The following DAB1 variants were observed in gnomAD, a reference collection of about 807,000 sequenced individuals.
DAB1 encodes the protein disabled homolog 1.
A neutral mutation model predicts 64.6 loss-of-function variants in DAB1; 15 were observed. The ratio of observed to expected loss-of-function variants is 0.23; its 90% CI spans 0.16 to 0.36. DAB1 has a LOEUF of 0.36. Among genes scored for constraint, DAB1 ranks in the 10% least tolerant of loss-of-function variants. DAB1 has a pLI of 1.00. For missense variants in DAB1, 596 were observed against 706.7 expected, an observed-to-expected ratio of 0.84 and a Z score of 1.78; for synonymous variants, 235 against 251.9, an observed-to-expected ratio of 0.93 and a Z score of 0.64.
At chr1:58,069,527 TA>T (rs2100567629) in intron 5 of DAB1, among the ~76,000 whole-genome samples, 1 of 152,230 alleles carries the variant, frequency 6.6e-6, no homozygotes, top group East Asian at 1.9e-4. Context: ...GTCCCTATTT[TA>T]AAAATAAACA....
intron 6 of DAB1, among the ~76,000 whole-genome samples, chr1:57,794,992 A>G (rs1315783952): frequency 6.6e-6 from 1 of 152,214 alleles, no homozygotes; most frequent in Non-Finnish European, 1.5e-5. Context: ...ATGTAGCACC[A>G]GGCTATAACC....
At chr1:57,627,091 T>C (rs927736219) in intron 7 of DAB1, among the ~76,000 whole-genome samples, 5 of 152,116 alleles carry the variant, frequency 3.3e-5, no homozygotes, top group African/African-American at 4.8e-5. Context: ...ATCCGATCTG[T>C]TGAGGGCCTG....
At chr1:57,023,506 G>A in intron 11 of DAB1, 25 bp downstream of exon 11, 1 of 1,381,046 alleles carries the variant, frequency 7.2e-7, no homozygotes, top group Middle Eastern at 1.8e-4. Context: ...GCCAAAGGAA[G>A]GGAAGCTGGT....
chr1:58,117,577 C>T (rs1048766306), intron 5 of DAB1, among the ~76,000 whole-genome samples: 21 of 152,138 alleles, frequency 1.4e-4, no homozygotes, highest in Admixed American at 1.2e-3. Flanking sequence ...GGCTTCAAAC[C>T]AGCAGCTTTG....
chr1:57,617,979 A>G (rs1645808695), intron 7 of DAB1, among the ~76,000 whole-genome samples: 1 of 152,210 alleles, frequency 6.6e-6, no homozygotes, highest in Admixed American at 6.5e-5. Context: ...AGGGACTATG[A>G]GTGTGATGTT....
rs559134223 is a variant in DAB1, at chr1:57,879,762, A to T, written n.87+4237T>A. Among the ~76,000 whole-genome samples, 322 of 152,266 alleles carry T rather than the reference A, an allele frequency of 2.1e-3. 1 individual carries two copies. The highest frequency in any genetic ancestry group is 0.019 in the South Asian group (93 of 4,822). On this transcript the variant is annotated intron_variant and non_coding_transcript_variant, in intron 1 of 1. Transcript: ENST00000477280. ...GCAGGATTCACTCTGCCATTTGAAG[A>T]GGATCCTCCATTGGCCTCTGTCCCC...
chr1:57,367,038 C>T (rs1680058149), intron 1 of DAB1, among the ~76,000 whole-genome samples: 1 of 111,554 alleles, frequency 9.0e-6, no homozygotes, highest in Non-Finnish European at 2.1e-5. Flanking sequence ...GAGACCCTGT[C>T]TCCACAAAAT....
chr1:58,038,304 G>C (rs757243078), intron 5 of DAB1, among the ~76,000 whole-genome samples: 36 of 152,142 alleles, frequency 2.4e-4, no homozygotes, highest in Non-Finnish European at 4.9e-4. Context: ...ACTGGATGTG[G>C]GGATGGAAGA....
intron 5 of DAB1, among the ~76,000 whole-genome samples, chr1:58,017,745 G>A (rs939218413): frequency 6.6e-5 from 10 of 152,270 alleles, no homozygotes; most frequent in East Asian, 3.9e-4. Context: ...GGACCTGAGC[G>A]GTGCTCAGTG....
At chr1:57,156,982 CAAATGCCT>C (rs1033347954) in intron 2 of DAB1, among the ~76,000 whole-genome samples, 8 of 152,132 alleles carry the variant, frequency 5.3e-5, no homozygotes, top group African/African-American at 1.9e-4. Context: ...TCAACAAAAT[CAAATGCCT>C]CTGTCAGGAG....
intron 4 of DAB1, among the ~76,000 whole-genome samples, chr1:58,215,218 G>A (rs935649005): frequency 6.6e-6 from 1 of 151,944 alleles, no homozygotes; most frequent in African/African-American, 2.4e-5. Context: ...TTGCAACTCT[G>A]GGCCTCTGTC....
At chr1:57,962,817 G>A (rs1275973724) in intron 5 of DAB1, among the ~76,000 whole-genome samples, 2 of 150,902 alleles carry the variant, frequency 1.3e-5, no homozygotes, top group African/African-American at 4.9e-5. Context: ...AGGCTGCAGT[G>A]AGCTGCAATT....
intron 5 of DAB1, among the ~76,000 whole-genome samples, chr1:58,111,593 T>C (rs147600234): frequency 2.0e-5 from 3 of 152,346 alleles, no homozygotes; most frequent in East Asian, 1.9e-4. Context: ...TTGGGAAACG[T>C]TGGATCAGAG....
chr1:58,235,757 G>A lies in DAB1; in HGVS notation n.310-85169C>T, dbSNP rs143099837. 3.6e-3 allele frequency among the ~76,000 whole-genome samples: 549 copies of A among 152,246 alleles called. 1 individual carries two copies. Among genetic ancestry groups the A allele is most frequent in the Non-Finnish European group, 5.3e-3 (359 of 68,034 alleles). ...TGAACCAAACTGCAAAATCAACCAG[G>A]CACCCAGATAAAGGGCTAATTGGGC... On this transcript the variant is annotated intron_variant and non_coding_transcript_variant, in intron 4 of 20. Coordinates refer to the DAB1 transcript ENST00000485760.
chr1:58,408,190 C>T (rs1644634951), intron 3 of DAB1, among the ~76,000 whole-genome samples: 2 of 152,178 alleles, frequency 1.3e-5, no homozygotes, highest in African/African-American at 4.8e-5. Flanking sequence ...ATGCTTGAGA[C>T]CCAGTGATCT....
intron 4 of DAB1, among the ~76,000 whole-genome samples, chr1:57,091,067 T>C (rs1373776853): frequency 6.6e-6 from 1 of 152,174 alleles, no homozygotes; most frequent in Admixed American, 6.5e-5. Flanking sequence ...AAGCCAAGTT[T>C]TGCCTCTGCT....
At chr1:57,998,390 T>TC (rs1491152017) in intron 5 of DAB1, among the ~76,000 whole-genome samples, 21 of 38,988 alleles carry the variant, frequency 5.4e-4, no homozygotes, top group East Asian at 3.7e-3. Flanking sequence ...TTTTTCTCTC[T>TC]TTTTTTTTTT....
At chr1:57,996,418 G>A (rs1349530348) in intron 5 of DAB1, among the ~76,000 whole-genome samples, 2 of 152,184 alleles carry the variant, frequency 1.3e-5, no homozygotes, top group East Asian at 3.9e-4. Flanking sequence ...GCAAGGTAGT[G>A]TAGCAAAAGA....
chr1:58,208,049 A>G (rs1402403444), intron 4 of DAB1, among the ~76,000 whole-genome samples: 2 of 151,632 alleles, frequency 1.3e-5, no homozygotes, highest in African/African-American at 4.8e-5. Flanking sequence ...AAATGAGGGG[A>G]AAGTCCCTTA....
Sources: allele counts gnomAD v4.1 joint callset (sites outside exome capture counted in the v4.1 genomes callset), GRCh38; gene constraint gnomAD v4.1.1; transcripts MANE v1.5; gene names NCBI Gene and HGNC (gene_info 2026-07-23, HGNC 2026-07-21).